Variants in AGBL4 observed in about 807,000 individuals in gnomAD.
AGBL4 encodes the protein cytosolic carboxypeptidase 6.
Under a neutral mutation model 66.4 loss-of-function variants are expected in AGBL4, and 58 were observed. That is an observed-to-expected ratio of 0.87 (90% CI 0.71 to 1.09). The LOEUF (loss-of-function observed/expected upper bound fraction) is 1.09. AGBL4 is among the 50% of genes least tolerant of loss of function. The pLI is 0.00. For synonymous variants in AGBL4, 234 were observed against 222.9 expected, an observed-to-expected ratio of 1.05 and a Z score of -0.44; for missense variants, 579 against 631.0, an observed-to-expected ratio of 0.92 and a Z score of 0.88.
chr1:49,214,227 A>C (rs1309966703), intron 4 of AGBL4, among the ~76,000 whole-genome samples: 7 of 152,148 alleles, frequency 4.6e-5, no homozygotes, highest in African/African-American at 9.7e-5. Context: ...TAGGCAATTC[A>C]GAATAGTAAG....
chr1:49,730,580 T>C (rs1228712930), intron 2 of AGBL4, among the ~76,000 whole-genome samples: 1 of 152,138 alleles, frequency 6.6e-6, no homozygotes, highest in Non-Finnish European at 1.5e-5. Context: ...GGCTCTGCAG[T>C]TGCTGGTATC....
intron 11 of AGBL4, among the ~76,000 whole-genome samples, chr1:48,573,482 A>G (rs1644601450): frequency 6.6e-6 from 1 of 152,180 alleles, no homozygotes; most frequent in Non-Finnish European, 1.5e-5. Flanking sequence ...ATCAAATACC[A>G]AATCCCAGTC....
intron 1 of AGBL4, among the ~76,000 whole-genome samples, chr1:50,002,601 C>A (rs1483122274): frequency 6.6e-6 from 1 of 151,690 alleles, no homozygotes; most frequent in Non-Finnish European, 1.5e-5. Flanking sequence ...GATCTCCTGA[C>A]CTCGTGATCC....
intron 1 of AGBL4, among the ~76,000 whole-genome samples, chr1:49,933,812 T>C (rs1424855045): frequency 1.3e-5 from 2 of 151,810 alleles, no homozygotes; most frequent in East Asian, 3.9e-4. Flanking sequence ...TAAAAAACAT[T>C]ATAAGAACAT....
chr1:49,108,200 C>T (rs1331740047), intron 4 of AGBL4, among the ~76,000 whole-genome samples: 1 of 152,138 alleles, frequency 6.6e-6, no homozygotes, highest in East Asian at 1.9e-4. Flanking sequence ...TATATTCATC[C>T]TGTTGTTACC....
chr1:49,555,611 G>T (rs1189832737), intron 3 of AGBL4, among the ~76,000 whole-genome samples: 1 of 150,840 alleles, frequency 6.6e-6, no homozygotes, highest in Non-Finnish European at 1.5e-5. Context: ...TGGGGACTTG[G>T]AGAATTTTTG....
intron 3 of AGBL4, among the ~76,000 whole-genome samples, chr1:49,682,466 G>A (rs1370074988): frequency 5.3e-5 from 8 of 152,140 alleles, no homozygotes; most frequent in African/African-American, 1.9e-4. Context: ...ATTAATGATT[G>A]TGTAAGAAAG....
rs192569346 is a variant in AGBL4 at position 49,881,186 on chromosome 1, A to G, written c.35-29668T>C. Among the ~76,000 whole-genome samples, 517 of 152,080 alleles carry G rather than the reference A, an allele frequency of 3.4e-3. 7 individuals are homozygous for G. The highest frequency in any genetic ancestry group is 0.012 in the African/African-American group (496 of 41,466). On this transcript the variant is annotated intron_variant, in intron 1 of 13. Coordinates refer to ENST00000371839, the MANE Select transcript of AGBL4 (RefSeq NM_032785.4). The stretch of plus-strand genomic sequence containing the variant: ...TATTTGGCCATCTTGATGATTTCCA[A>G]TTTCATCTATGTCCCTACAAAGGAC...
intron 4 of AGBL4, among the ~76,000 whole-genome samples, chr1:49,053,501 C>T (rs1644256796): frequency 6.6e-6 from 1 of 152,046 alleles, no homozygotes; most frequent in South Asian, 2.1e-4. Flanking sequence ...CTTCAAGATA[C>T]ATGGAGCCTC....
rs192914450 is a variant in AGBL4 at position 49,252,409 on chromosome 1, G to A, written c.283-6545C>T. 4.5e-3 allele frequency among the ~76,000 whole-genome samples: 688 copies of A among 152,232 alleles called. 1 individual carries two copies. The highest frequency in any genetic ancestry group is 0.01 in the Middle Eastern group (3 of 294). On this transcript the variant is annotated intron_variant, in intron 3 of 13. Coordinates refer to ENST00000371839, the MANE Select transcript of AGBL4 (RefSeq NM_032785.4). The stretch of plus-strand genomic sequence containing the variant: ...AAACCTCCAAGAGACATGGGATTAC[G>A]TAAAGACATCAAATCTACAACTGAC...
intron 4 of AGBL4, among the ~76,000 whole-genome samples, chr1:49,049,445 T>C (rs1324457002): frequency 6.6e-6 from 1 of 152,130 alleles, no homozygotes; most frequent in East Asian, 1.9e-4. Flanking sequence ...CTCTTAACAA[T>C]GAACAATAAA....
intron 6 of AGBL4, among the ~76,000 whole-genome samples, chr1:48,670,223 G>A (rs1476033015): frequency 6.6e-6 from 1 of 152,212 alleles, no homozygotes; most frequent in Admixed American, 6.5e-5. Context: ...CAGTAAGGGT[G>A]CCTCTGACTT....
chr1:48,666,410 A>G (rs1459718836), intron 6 of AGBL4, among the ~76,000 whole-genome samples: 1 of 152,214 alleles, frequency 6.6e-6, no homozygotes, highest in African/African-American at 2.4e-5. Flanking sequence ...ATGTAGGCTG[A>G]CATGCTCAAG....
intron 3 of AGBL4, among the ~76,000 whole-genome samples, chr1:49,455,101 G>A (rs1399085884): frequency 6.6e-6 from 1 of 151,558 alleles, no homozygotes; most frequent in Non-Finnish European, 1.5e-5. Flanking sequence ...TGATATCAAA[G>A]CTTTTGTGCT....
chr1:49,316,803 A>G (rs551780832), intron 3 of AGBL4, among the ~76,000 whole-genome samples: 1 of 152,044 alleles, frequency 6.6e-6, no homozygotes, highest in East Asian at 1.9e-4. Flanking sequence ...CATGATAAAT[A>G]CAAAAATGCT....
At chr1:49,797,516 A>G (rs1438593934) in intron 2 of AGBL4, among the ~76,000 whole-genome samples, 1 of 152,120 alleles carries the variant, frequency 6.6e-6, no homozygotes, top group Non-Finnish European at 1.5e-5. Context: ...GCTCAACTGT[A>G]ACCTCAAACT....
intron 3 of AGBL4, among the ~76,000 whole-genome samples, chr1:49,660,101 T>C (rs1248935887): frequency 1.3e-5 from 2 of 150,190 alleles, no homozygotes; most frequent in Non-Finnish European, 3.0e-5. Context: ...AAATGATGAA[T>C]AGGAGCTAAT....
intron 6 of AGBL4, among the ~76,000 whole-genome samples, chr1:48,821,739 T>C (rs1646319265): frequency 6.6e-6 from 1 of 152,082 alleles, no homozygotes; most frequent in African/African-American, 2.4e-5. Context: ...TGCCCCTGAA[T>C]CTAAAATTTT....
At chr1:49,032,453 T>C (rs1185239839) in intron 5 of AGBL4, among the ~76,000 whole-genome samples, 2 of 152,162 alleles carry the variant, frequency 1.3e-5, no homozygotes. Flanking sequence ...TGTCTTTTCA[T>C]ATAATCTCTT....
Sources: gnomAD v4.1 joint callset for allele counts (sites outside exome capture counted in the v4.1 genomes callset) on GRCh38, gnomAD v4.1.1 for gene constraint, MANE v1.5 for transcripts, NCBI Gene and HGNC (gene_info 2026-07-23, HGNC 2026-07-21) for gene names.